Variants in MOXD1 observed in about 807,000 individuals in gnomAD.
MOXD1 encodes monooxygenase DBH like 1.
In MOXD1, 62 loss-of-function variants were observed where a neutral mutation model predicts 66.6. The observed-to-expected ratio is 0.93, with a 90% CI of 0.76 to 1.15. The LOEUF (loss-of-function observed/expected upper bound fraction) is 1.15, where lower values mean the gene tolerates loss of function less well. Ranked by LOEUF, MOXD1 falls within the 50% of genes most tolerant of loss-of-function variation. The pLI is 0.00. For synonymous variants in MOXD1, 303 were observed against 281.9 expected, an observed-to-expected ratio of 1.07 and a Z score of -0.75; for missense variants, 847 against 754.6, an observed-to-expected ratio of 1.12 and a Z score of -1.44.
intron 11 of MOXD1, 55 bp from the exon 12 acceptor site, chr6:132,297,372 T>A: frequency 6.4e-7 from 1 of 1,565,732 alleles, no homozygotes; most frequent in Non-Finnish European, 8.7e-7. Context: ...GGCAGCACAG[T>A]GACCAGGCCG....
At chr6:132,393,361 T>C in intron 1 of MOXD1, among the ~76,000 whole-genome samples, 1 of 152,084 alleles carries the variant, frequency 6.6e-6, no homozygotes, top group Non-Finnish European at 1.5e-5. Flanking sequence ...GAATAGATCA[T>C]CTGAGAGAGA....
rs1442301732 is a variant in MOXD1, at chr6:132,392,257, A to G, written c.264+8906T>C. ...CAGCAATTACCCTGCTGCTGAAGAC[A>G]CTTCGCATCACAGGCCTCAGTTTTT... On this transcript the variant is annotated intron_variant, in intron 1 of 11. Coordinates refer to ENST00000367963, the MANE Select transcript of MOXD1 (RefSeq NM_015529.4). The G allele has an allele frequency of 3.1e-6, 5 of 1,604,104 alleles. No individual in the cohort carries two copies. In the African/African-American group the frequency reaches 6.7e-5, roughly 21 times the overall value.
chr6:132,351,823 T>A (rs1369787189), intron 4 of MOXD1, among the ~76,000 whole-genome samples: 1 of 152,218 alleles, frequency 6.6e-6, no homozygotes, highest in East Asian at 1.9e-4. Flanking sequence ...GCTATTGGTC[T>A]GTTCAAGGTA....
At chr6:132,369,151 T>C (rs1460096859) in intron 4 of MOXD1, among the ~76,000 whole-genome samples, 2 of 152,116 alleles carry the variant, frequency 1.3e-5, no homozygotes, top group Non-Finnish European at 2.9e-5. Flanking sequence ...TCAGAATCTA[T>C]ATTCCTGAAT....
rs1184595411 is a variant in MOXD1 at position 132,349,398 on chromosome 6, TATATATAC to T, written c.664-20812_664-20805del. On this transcript the variant is annotated intron_variant, in intron 4 of 11. Transcript: ENST00000367963. ...ATATACATGTATATATATATACACA[TATATATAC>T]ATATATATATATATACATATATATA... Among the ~76,000 whole-genome samples the T allele has an allele frequency of 1.8e-4, 8 of 44,080 alleles. 2 individuals carry two copies. The highest frequency in any genetic ancestry group is 6.7e-4 in the African/African-American group (7 of 10,416). 28.9% of individuals were successfully genotyped at this position (44,080 alleles called of 152,430 possible).
At position 132,357,813 on chromosome 6, in the gene MOXD1, G is replaced by C. The variant is rs528426956; in HGVS notation, c.663+14795C>G. Among the ~76,000 whole-genome samples, 76 of 152,158 alleles carry C rather than the reference G, an allele frequency of 5.0e-4. 1 individual carries two copies. In the South Asian group the frequency reaches 6.8e-3, roughly 14 times the overall value. ...TATTTCATATTTTGAAGGAGAGATA[G>C]AGATAAGTAATAAAAATTTATGACC... On this transcript the variant is annotated intron_variant, in intron 4 of 11. Coordinates refer to ENST00000367963, the MANE Select transcript of MOXD1 (RefSeq NM_015529.4).
chr6:132,379,134 A>C (rs1776458652), intron 1 of MOXD1, among the ~76,000 whole-genome samples: 1 of 151,918 alleles, frequency 6.6e-6, no homozygotes, highest in Non-Finnish European at 1.5e-5. Context: ...AGAAATAGAA[A>C]TATTTCTTAG....
At chr6:132,315,019 C>T (rs1774910301) in intron 10 of MOXD1, among the ~76,000 whole-genome samples, 2 of 152,150 alleles carry the variant, frequency 1.3e-5, no homozygotes, top group African/African-American at 4.8e-5. Flanking sequence ...AAACGATTTC[C>T]TATATTGACA....
intron 10 of MOXD1, among the ~76,000 whole-genome samples, chr6:132,313,012 A>G (rs1774864540): frequency 1.3e-5 from 2 of 152,098 alleles, no homozygotes; most frequent in South Asian, 4.1e-4. Flanking sequence ...AACCAAGACT[A>G]CATCCTAGTG....
chr6:132,398,163 T>G (rs1179688978), intron 1 of MOXD1, among the ~76,000 whole-genome samples: 1 of 152,220 alleles, frequency 6.6e-6, no homozygotes, highest in Non-Finnish European at 1.5e-5. Flanking sequence ...TCTTTCTGCA[T>G]CTAGCTTGTT....
chr6:132,338,688 A>G (rs73546029), intron 4 of MOXD1, among the ~76,000 whole-genome samples: 8,418 of 152,284 alleles, frequency 0.055, 456 homozygotes, highest in African/African-American at 0.14. Flanking sequence ...GACAAGCAGC[A>G]TAATGGTGGA....
At chr6:132,340,638 ATTTTTTTTTTT>A (rs869205496) in intron 4 of MOXD1, among the ~76,000 whole-genome samples, 1 of 98,808 alleles carries the variant, frequency 1.0e-5, no homozygotes, top group Admixed American at 1.3e-4. Flanking sequence ...AACAAGACTC[ATTTTTTTTTTT>A]TTTTTTTTTT....
intron 4 of MOXD1, among the ~76,000 whole-genome samples, chr6:132,367,949 G>A (rs902839471): frequency 7.9e-5 from 12 of 151,974 alleles, no homozygotes; most frequent in Admixed American, 5.9e-4. Flanking sequence ...AAGGAGAGAG[G>A]ACTAAGGGAT....
At chr6:132,313,502 T>C (rs1200278396) in intron 10 of MOXD1, among the ~76,000 whole-genome samples, 9 of 152,186 alleles carry the variant, frequency 5.9e-5, no homozygotes, top group African/African-American at 2.2e-4. Flanking sequence ...TCATAATTTA[T>C]AATCCTGTAA....
chr6:132,321,263 C>CAA (rs572511482), intron 8 of MOXD1, among the ~76,000 whole-genome samples: 42 of 145,606 alleles, frequency 2.9e-4, no homozygotes, highest in African/African-American at 9.5e-4. Flanking sequence ...GACTCCATCT[C>CAA]AAAAAAAAAA....
At chr6:132,384,000 G>C (rs1256371969) in intron 1 of MOXD1, among the ~76,000 whole-genome samples, 2 of 151,286 alleles carry the variant, frequency 1.3e-5, no homozygotes, top group Admixed American at 6.6e-5. Flanking sequence ...AACCCGGGAG[G>C]TGGAGGTTGC....
intron 4 of MOXD1, among the ~76,000 whole-genome samples, chr6:132,349,424 T>TATATATATATACACAC (rs1775746620): frequency 4.5e-5 from 1 of 22,318 alleles, no homozygotes. Context: ...TATATATACA[T>TATATATATATACACAC]ATATATATAT....
intron 4 of MOXD1, among the ~76,000 whole-genome samples, chr6:132,361,477 A>T (rs1380915866): frequency 6.6e-6 from 1 of 152,182 alleles, no homozygotes. Flanking sequence ...AAAATACTTT[A>T]TTACTATAAT....
intron 1 of MOXD1, among the ~76,000 whole-genome samples, chr6:132,400,861 G>A (rs1364532266): frequency 6.6e-6 from 1 of 152,198 alleles, no homozygotes; most frequent in Non-Finnish European, 1.5e-5. Context: ...GATGAAGCGG[G>A]GTGTATTGCA....
Sources: gnomAD v4.1 joint callset for allele counts (sites outside exome capture counted in the v4.1 genomes callset) on GRCh38, gnomAD v4.1.1 for gene constraint, MANE v1.5 for transcripts, NCBI Gene and HGNC (gene_info 2026-07-23, HGNC 2026-07-21) for gene names.